Variants in TENM3 observed in about 807,000 individuals in gnomAD.
The protein encoded by TENM3 is teneurin-3.
In TENM3, 63 loss-of-function variants were observed where a neutral mutation model predicts 255.1. The ratio of observed to expected loss-of-function variants is 0.25; its 90% CI spans 0.20 to 0.30. The LOEUF is 0.30. Ranked by LOEUF, TENM3 falls within the 10% of genes least tolerant of loss-of-function variation. The pLI is 1.00. For missense variants in TENM3, 2,929 were observed against 3,461.1 expected, an observed-to-expected ratio of 0.85 and a Z score of 3.86; for synonymous variants, 1,306 against 1,322.3, an observed-to-expected ratio of 0.99 and a Z score of 0.27.
At chr4:181,863,130 T>C in the TENM3 span, among the ~76,000 whole-genome samples, 7 of 152,188 alleles carry the variant, frequency 4.6e-5, no homozygotes, top group African/African-American at 1.4e-4. Context: ...TTTAATACTT[T>C]GAGAATTTGA....
the TENM3 span, chr4:181,906,041 C>A: frequency 2.3e-6 from 1 of 433,284 alleles, no homozygotes; most frequent in South Asian, 2.0e-5. Context: ...AAGTTCTGTT[C>A]TCTCTCAACA....
chr4:182,066,834 C>G, the TENM3 span, among the ~76,000 whole-genome samples: 1 of 152,088 alleles, frequency 6.6e-6, no homozygotes, highest in Non-Finnish European at 1.5e-5. Flanking sequence ...TGGCGTGAAC[C>G]CGGGAGGCGG....
the TENM3 span, among the ~76,000 whole-genome samples, chr4:181,491,671 A>G: frequency 6.6e-6 from 1 of 152,234 alleles, no homozygotes; most frequent in African/African-American, 2.4e-5. Flanking sequence ...ATGATGTTGA[A>G]AAGTAGGTTA....
chr4:182,699,261 C>T (rs1757663986), intron 12 of TENM3, among the ~76,000 whole-genome samples: 1 of 152,190 alleles, frequency 6.6e-6, no homozygotes. Context: ...GAGAGTTAAA[C>T]CTGTTGTGAT....
chr4:181,646,862 A>G, the TENM3 span, among the ~76,000 whole-genome samples: 1 of 152,220 alleles, frequency 6.6e-6, no homozygotes, highest in Admixed American at 6.5e-5. Context: ...AATTTATTTA[A>G]ACATTGAGAA....
chr4:181,685,705 C>T, the TENM3 span, among the ~76,000 whole-genome samples: 8 of 152,278 alleles, frequency 5.3e-5, no homozygotes, highest in Non-Finnish European at 1.0e-4. Flanking sequence ...CACCCTGCCC[C>T]CACCCACCCC....
the TENM3 span, among the ~76,000 whole-genome samples, chr4:182,059,757 A>AG: frequency 7.6e-6 from 1 of 131,778 alleles, no homozygotes; most frequent in African/African-American, 3.9e-5. Context: ...AAAAAAAAAA[A>AG]AAAAAGAAAA....
chr4:182,061,697 G>A, the TENM3 span, among the ~76,000 whole-genome samples: 5 of 152,166 alleles, frequency 3.3e-5, no homozygotes, highest in East Asian at 1.9e-4. Context: ...GGCTGCTCAC[G>A]CCCGTAATCC....
At chr4:182,019,095 G>T in the TENM3 span, among the ~76,000 whole-genome samples, 13 of 152,316 alleles carry the variant, frequency 8.5e-5, no homozygotes, top group South Asian at 2.3e-3. Flanking sequence ...CTGGTTACCT[G>T]GTGAGCAATA....
chr4:182,717,045 C>CAAAGG (rs1759251174), intron 13 of TENM3, among the ~76,000 whole-genome samples: 1 of 104,344 alleles, frequency 9.6e-6, no homozygotes, highest in African/African-American at 3.4e-5. Context: ...AAGTTGCGTA[C>CAAAGG]CATTCCCGGA....
At chr4:181,995,388 C>T in the TENM3 span, among the ~76,000 whole-genome samples, 2 of 152,022 alleles carry the variant, frequency 1.3e-5, no homozygotes, top group Admixed American at 1.3e-4. Flanking sequence ...GTCAATTGTT[C>T]AATAACAATG....
intron 6 of TENM3, among the ~76,000 whole-genome samples, chr4:182,663,061 C>T (rs1754360493): frequency 6.6e-6 from 1 of 152,190 alleles, no homozygotes; most frequent in Non-Finnish European, 1.5e-5. Flanking sequence ...TATATCTCTA[C>T]ATCACTGATT....
the TENM3 span, among the ~76,000 whole-genome samples, chr4:181,784,359 A>C: frequency 6.6e-6 from 1 of 152,068 alleles, no homozygotes; most frequent in Non-Finnish European, 1.5e-5. Flanking sequence ...TGCTATATTA[A>C]TAAAATATCT....
chr4:181,600,597 G>C, the TENM3 span, among the ~76,000 whole-genome samples: 1 of 151,586 alleles, frequency 6.6e-6, no homozygotes, highest in Non-Finnish European at 1.5e-5. Flanking sequence ...GCCTAAGGGA[G>C]GCAGTATGCA....
intron 3 of TENM3, among the ~76,000 whole-genome samples, chr4:182,448,042 T>C (rs1447418002): frequency 1.3e-5 from 2 of 152,274 alleles, no homozygotes; most frequent in African/African-American, 2.4e-5. Context: ...ACATGAGCTA[T>C]TCCGGATCAG....
At chr4:181,951,692 A>G in the TENM3 span, among the ~76,000 whole-genome samples, 1 of 152,220 alleles carries the variant, frequency 6.6e-6, no homozygotes, top group Non-Finnish European at 1.5e-5. Context: ...GTTTATACCT[A>G]AGTGCATTTG....
the TENM3 span, among the ~76,000 whole-genome samples, chr4:181,939,352 T>G: frequency 6.6e-6 from 1 of 152,278 alleles, no homozygotes; most frequent in African/African-American, 2.4e-5. Context: ...GCCTGTCTGT[T>G]CACCAAAAAG....
At chr4:181,501,410 G>A in the TENM3 span, among the ~76,000 whole-genome samples, 7 of 149,286 alleles carry the variant, frequency 4.7e-5, no homozygotes, top group African/African-American at 1.2e-4. Context: ...ATGGAGTCTC[G>A]CACTGTCGCC....
At chr4:182,396,668 G>T (rs755334790) in intron 3 of TENM3, among the ~76,000 whole-genome samples, 9 of 152,136 alleles carry the variant, frequency 5.9e-5, no homozygotes, top group Non-Finnish European at 1.2e-4. Context: ...TTATATAAAA[G>T]AAACAAATCC....
Sources: allele counts gnomAD v4.1 joint callset (sites outside exome capture counted in the v4.1 genomes callset), GRCh38; gene constraint gnomAD v4.1.1; transcripts MANE v1.5; gene names NCBI Gene and HGNC (gene_info 2026-07-23, HGNC 2026-07-21).